The following MID1 variants were observed in gnomAD, a reference collection of about 807,000 sequenced individuals.
MID1 encodes midline 1.
MID1 carries 7 observed loss-of-function variants against 40.4 expected under a neutral mutation model. That is an observed-to-expected ratio of 0.17 (90% CI 0.10 to 0.33). The LOEUF (loss-of-function observed/expected upper bound fraction) is 0.33. MID1 is among the 10% of genes least tolerant of loss of function. MID1 has a pLI of 1.00. For synonymous variants in MID1, 229 were observed against 221.2 expected (o/e 1.04, Z -0.31); for missense variants, 367 against 558.5 (o/e 0.66, Z 3.46).
chrX:10,633,954 C>T (rs746288561), intron 1 of MID1, among the ~76,000 whole-genome samples: 54 of 110,719 alleles, frequency 4.9e-4, no homozygotes, highest in African/African-American at 1.7e-3. Context: ...CCCCATTTCC[C>T]CCTCCCCTAC....
rs1928898338 is a variant in MID1, at chrX:10,459,586, G to C, written c.1447+60C>G. 2.7e-6 allele frequency: 3 copies of C among 1,127,810 alleles called. No individual in the cohort carries two copies. In the African/African-American group the frequency reaches 5.3e-5, roughly 20 times the overall value. The allele number at this position is 1,127,810 out of a possible 1,213,427, so 92.9% of individuals were successfully genotyped here. ...GAGAAAAGGAAAAGAAAGGGGGACA[G>C]AGTCAGCTGAAAGAAGAGCAGATAA... On this transcript the variant is annotated intron_variant, in intron 8 of 9. Transcript: ENST00000317552.
In MID1 at chrX:10,523,254, A is replaced by C. The variant is rs373684296; in HGVS notation, c.661-67T>G. 9.0e-6 allele frequency: 7 copies of C among 777,952 alleles called. No homozygotes were observed. In the East Asian group the frequency reaches 2.2e-4, roughly 25 times the overall value. 64.1% of individuals were successfully genotyped at this position (777,952 alleles called of 1,213,427 possible). ...CATACTTTTATACTTCAGATACACA[A>C]AATTACTCATTCTCAGGAAAAACTG... On this transcript the variant is annotated intron_variant, in intron 2 of 9. Coordinates refer to ENST00000317552, the MANE Select transcript of MID1 (RefSeq NM_000381.4).
At chrX:10,516,602 GT>G (rs1932447501) in intron 3 of MID1, among the ~76,000 whole-genome samples, 1 of 69,556 alleles carries the variant, frequency 1.4e-5, no homozygotes, top group Non-Finnish European at 2.7e-5. Flanking sequence ...GTGTGTGTGT[GT>G]GTGTGTGCGC....
intron 1 of MID1, among the ~76,000 whole-genome samples, chrX:10,720,675 T>C (rs182525030): frequency 8.9e-6 from 1 of 111,888 alleles, no homozygotes; most frequent in Non-Finnish European, 1.9e-5. Flanking sequence ...AAGTACCATT[T>C]GACCCAGCCA....
chrX:10,560,877 T>G (rs1176572070), intron 2 of MID1, among the ~76,000 whole-genome samples: 2 of 107,035 alleles, frequency 1.9e-5, no homozygotes, highest in Non-Finnish European at 3.8e-5. Context: ...TACTTTAAAT[T>G]TAACGTGGAA....
At chrX:10,743,938 T>C (rs1320935767) in intron 1 of MID1, among the ~76,000 whole-genome samples, 2 of 111,534 alleles carry the variant, frequency 1.8e-5, no homozygotes, top group Admixed American at 1.9e-4. Flanking sequence ...AATGCAATCA[T>C]TGTCAATTTT....
chrX:10,549,221 T>C (rs1438664207), intron 2 of MID1, among the ~76,000 whole-genome samples: 1 of 113,005 alleles, frequency 8.8e-6, no homozygotes, highest in Non-Finnish European at 1.9e-5. Flanking sequence ...TGAGTACCTA[T>C]GCTAAGATAT....
intron 2 of MID1, among the ~76,000 whole-genome samples, chrX:10,536,917 T>C (rs1029479160): frequency 1.8e-5 from 2 of 111,813 alleles, no homozygotes; most frequent in African/African-American, 3.3e-5. Flanking sequence ...CAGTCTCTAC[T>C]GCGGAACAGG....
chrX:10,743,950 T>G (rs920922966), intron 1 of MID1, among the ~76,000 whole-genome samples: 1 of 111,824 alleles, frequency 8.9e-6, no homozygotes, highest in African/African-American at 3.3e-5. Flanking sequence ...GTCAATTTTC[T>G]GGTTTCCATG....
intron 1 of MID1, among the ~76,000 whole-genome samples, chrX:10,686,842 C>T: frequency 8.9e-6 from 1 of 111,908 alleles, no homozygotes; most frequent in Non-Finnish European, 1.9e-5. Flanking sequence ...ATGGTTGTGT[C>T]TTTATGTCCC....
intron 2 of MID1, among the ~76,000 whole-genome samples, chrX:10,525,563 G>A (rs1446078471): frequency 1.8e-5 from 2 of 112,308 alleles, no homozygotes; most frequent in Non-Finnish European, 3.8e-5. Context: ...CAGCTCATAC[G>A]ATGTAAACTT....
rs1935361137 is a variant in MID1 at position 10,593,805 on chromosome X, C to CA, written c.-56-26203dup. Among the ~76,000 whole-genome samples the CA allele has an allele frequency of 5.0e-5, 4 of 80,621 alleles. No homozygotes were observed. In the South Asian group the frequency reaches 2.3e-3, roughly 47 times the overall value. 70.0% of individuals were successfully genotyped at this position (80,621 alleles called of 115,157 possible). A position where few individuals can be genotyped will look rare whatever the true frequency, so the allele number is the denominator to read the frequency against. On this transcript the variant is annotated intron_variant, in intron 1 of 9. Transcript: ENST00000317552. Reference sequence around the variant, plus strand: ...CACACACACACACACACACACACACCACTTTTTCTTTTGGGGAGAGGAAGA... The same window carrying CA: ...CACACACACACACACACACACACACCAACTTTTTCTTTTGGGGAGAGGAAGA...
chrX:10,567,309 T>C lies in MID1; in HGVS notation c.239A>G (p.Gln80Arg). ...TTTCTGGAACCTGTCGATGATGTTC[T>C]GTAGGGTGACGTTGCGCTTGAGCCC... ...LDGLKRNVTL[Q>R]NIIDRFQKAS... Residue 80 changes from glutamine (Q) to arginine (R), a missense_variant, in exon 2 of 10, where the codon CAG becomes CGG. Transcript: ENST00000317552. 1 of 1,195,563 alleles carries C rather than the reference T, an allele frequency of 8.4e-7. No individual in the cohort carries two copies. The highest frequency in any genetic ancestry group is 1.1e-6 in the Non-Finnish European group (1 of 885,824).
intron 1 of MID1, among the ~76,000 whole-genome samples, chrX:10,581,338 C>T (rs530787859): frequency 1.9e-4 from 21 of 112,684 alleles, no homozygotes; most frequent in African/African-American, 6.4e-4. Flanking sequence ...AGTTCAAATC[C>T]TGGCTCTGCC....
At chrX:10,534,829 GA>G (rs1485731619) in intron 2 of MID1, among the ~76,000 whole-genome samples, 4 of 112,538 alleles carry the variant, frequency 3.6e-5, no homozygotes, top group Admixed American at 2.8e-4. Context: ...TTATGTAAGA[GA>G]ATTCCCCATT....
chrX:10,567,407 A>G lies in MID1; in HGVS notation c.141T>C (p.Ser47=), dbSNP rs1934597008. Residue 47 remains serine (S), a synonymous_variant, in exon 2 of 10, where the codon TCT becomes TCC. Coordinates refer to ENST00000317552, the MANE Select transcript of MID1 (RefSeq NM_000381.4). ...ACTGGAAGGCGGTGATGGACTCCAC[A>G]GACTCGTTGGTGGCACAGTGTGATA... ...ILVSHCATNE[S]VESITAFQCP... is the part of the protein sequence containing the mutation. 8.3e-7 allele frequency: 1 copy of G among 1,208,200 alleles called. No homozygotes were observed. The highest frequency in any genetic ancestry group is 1.8e-5 in the South Asian group (1 of 56,538).
At chrX:10,714,973 T>C (rs1250137323) in intron 1 of MID1, among the ~76,000 whole-genome samples, 1 of 112,857 alleles carries the variant, frequency 8.9e-6, no homozygotes, top group African/African-American at 3.2e-5. Flanking sequence ...TATTTCCTTT[T>C]GTATACTGTA....
At chrX:10,694,216 A>G (rs1029211988) in intron 1 of MID1, among the ~76,000 whole-genome samples, 1 of 112,301 alleles carries the variant, frequency 8.9e-6, no homozygotes. Flanking sequence ...GGAAACACCA[A>G]TCTCACTTAT....
At chrX:10,731,516 A>T (rs759782632) in intron 1 of MID1, among the ~76,000 whole-genome samples, 58 of 112,230 alleles carry the variant, frequency 5.2e-4, no homozygotes, top group African/African-American at 1.7e-3. Context: ...CTTTGAACTG[A>T]ATGAAAAAGA....
Sources: gnomAD v4.1 joint callset for allele counts (sites outside exome capture counted in the v4.1 genomes callset) on GRCh38, gnomAD v4.1.1 for gene constraint, MANE v1.5 for transcripts, NCBI Gene and HGNC (gene_info 2026-07-23, HGNC 2026-07-21) for gene names.